Variants in CHSY3 observed in about 807,000 individuals in gnomAD.
CHSY3 encodes N-acetylgalactosaminyl-proteoglycan 3-beta-glucuronosyltransferase 3.
CHSY3 carries 35 observed loss-of-function variants against 67.2 expected under a neutral mutation model. That is an observed-to-expected ratio of 0.52 (90% CI 0.40 to 0.69). The LOEUF (loss-of-function observed/expected upper bound fraction) is 0.69. Ranked by LOEUF, CHSY3 falls within the 30% of genes least tolerant of loss-of-function variation. CHSY3 has a pLI of 0.00. For synonymous variants in CHSY3, 474 were observed against 434.7 expected, an observed-to-expected ratio of 1.09 and a Z score of -1.12; for missense variants, 1,069 against 1,138.5, an observed-to-expected ratio of 0.94 and a Z score of 0.88.
intron 2 of CHSY3, among the ~76,000 whole-genome samples, chr5:130,177,225 G>T (rs1770082682): frequency 6.6e-6 from 1 of 151,142 alleles, no homozygotes; most frequent in South Asian, 2.1e-4. Flanking sequence ...ATATATGTGT[G>T]TGTGTGTGTA....
At chr5:130,184,169 G>T in intron 2 of CHSY3, 60 bp from the exon 3 acceptor site, 2 of 1,366,340 alleles carry the variant, frequency 1.5e-6, no homozygotes, top group Non-Finnish European at 1.9e-6. Context: ...TTTATCGCTG[G>T]TTTTCTTTTT....
intron 2 of CHSY3, among the ~76,000 whole-genome samples, chr5:129,975,470 T>C (rs1762780125): frequency 6.6e-6 from 1 of 152,176 alleles, no homozygotes. Flanking sequence ...TTAATGTTAA[T>C]ACAATATTTT....
Position 130,064,724 on chromosome 5 carries a change from C to A in CHSY3, c.1087-119505C>A, listed in dbSNP as rs1765827222. On this transcript the variant is annotated intron_variant, in intron 2 of 2. Transcript: ENST00000305031. ...AAGAGCAAGGGCTGCTCCCAGAATT[C>A]TTCCAAGTGATTTGCAGGGTCTAGA... Among the ~76,000 whole-genome samples the A allele has an allele frequency of 2.6e-5, 4 of 152,258 alleles. No individual in the cohort carries two copies. In the South Asian group the frequency reaches 8.3e-4, roughly 32 times the overall value.
chr5:129,931,093 C>T lies in CHSY3; in HGVS notation c.1086+22733C>T, dbSNP rs147868796. The stretch of plus-strand genomic sequence containing the variant: ...TTTTTTGTCATTTTGAATAATGCAC[C>T]GAAAATAACTCCTGTTTAGTGTGGC... On this transcript the variant is annotated intron_variant, in intron 2 of 2. Transcript: ENST00000305031. Among the ~76,000 whole-genome samples, 486 of 152,026 alleles carry T rather than the reference C, an allele frequency of 3.2e-3. 1 individual carries two copies. The highest frequency in any genetic ancestry group is 5.5e-3 in the Non-Finnish European group (375 of 67,992).
At chr5:130,071,592 A>G (rs920199705) in intron 2 of CHSY3, among the ~76,000 whole-genome samples, 1 of 149,662 alleles carries the variant, frequency 6.7e-6, no homozygotes, top group Non-Finnish European at 1.5e-5. Flanking sequence ...CACATATCAC[A>G]TTCTCTTTAT....
intron 2 of CHSY3, among the ~76,000 whole-genome samples, chr5:130,010,148 A>G (rs1386896592): frequency 6.6e-6 from 1 of 152,140 alleles, no homozygotes; most frequent in Non-Finnish European, 1.5e-5. Context: ...TAACATCCAC[A>G]GAACATTCCA....
chr5:130,067,984 G>A (rs1450580499), intron 2 of CHSY3, among the ~76,000 whole-genome samples: 1 of 152,106 alleles, frequency 6.6e-6, no homozygotes, highest in Non-Finnish European at 1.5e-5. Context: ...AACTTTCCCA[G>A]TGAATAAATG....
At chr5:129,998,982 A>G (rs1358683686) in intron 2 of CHSY3, among the ~76,000 whole-genome samples, 1 of 152,080 alleles carries the variant, frequency 6.6e-6, no homozygotes, top group Middle Eastern at 3.2e-3. Context: ...GACATACAGA[A>G]AGGATTTCCT....
intron 2 of CHSY3, among the ~76,000 whole-genome samples, chr5:130,067,422 G>A (rs553443655): frequency 6.6e-6 from 1 of 152,212 alleles, no homozygotes; most frequent in East Asian, 1.9e-4. Context: ...TTTTCTAATT[G>A]AATGCCTCTT....
chr5:130,178,227 T>TATATATATATATATATA (rs1561571814), intron 2 of CHSY3, among the ~76,000 whole-genome samples: 2 of 65,838 alleles, frequency 3.0e-5, no homozygotes, highest in African/African-American at 1.3e-4. Context: ...ATATTTATAT[T>TATATATATATATATATA]TATATATATA....
intron 2 of CHSY3, among the ~76,000 whole-genome samples, chr5:130,014,898 A>G (rs1764172641): frequency 6.6e-6 from 1 of 152,220 alleles, no homozygotes; most frequent in Admixed American, 6.5e-5. Context: ...TGCAAAAGAA[A>G]CTATCAACAG....
chr5:130,143,169 G>T (rs1364721609), intron 2 of CHSY3, among the ~76,000 whole-genome samples: 1 of 152,108 alleles, frequency 6.6e-6, no homozygotes. Context: ...TACCCATAAA[G>T]AGCTAGCTAG....
intron 2 of CHSY3, chr5:130,001,567 C>A: frequency 2.3e-6 from 2 of 873,326 alleles, no homozygotes; most frequent in Non-Finnish European, 2.7e-6. Context: ...CCTGTCCTTG[C>A]CTTTATTCCA....
chr5:129,996,862 T>C (rs1763555442), intron 2 of CHSY3, among the ~76,000 whole-genome samples: 1 of 152,160 alleles, frequency 6.6e-6, no homozygotes, highest in South Asian at 2.1e-4. Context: ...TAATTGTGTA[T>C]CTTTCCCATC....
chr5:130,089,843 C>T (rs1020182703), intron 2 of CHSY3, among the ~76,000 whole-genome samples: 1 of 152,074 alleles, frequency 6.6e-6, no homozygotes, highest in East Asian at 1.9e-4. Flanking sequence ...GTCCTGATGA[C>T]AAGGGAAATG....
intron 2 of CHSY3, among the ~76,000 whole-genome samples, chr5:130,092,498 T>C (rs569867096): frequency 6.6e-6 from 1 of 152,296 alleles, no homozygotes; most frequent in Admixed American, 6.5e-5. Context: ...AACTACATAT[T>C]CCACTAACCC....
chr5:129,963,494 A>G (rs1380144913), intron 2 of CHSY3, among the ~76,000 whole-genome samples: 1 of 152,028 alleles, frequency 6.6e-6, no homozygotes, highest in African/African-American at 2.4e-5. Context: ...GGTGTGTACT[A>G]TTAACATATG....
chr5:130,077,582 C>T lies in CHSY3; in HGVS notation c.1087-106647C>T, dbSNP rs879654086. Reference sequence around the variant, plus strand: ...CAGTACATTTATTTCAGCAAGCTAACGAGGAAGAAGAGTTTGAAAGTTATT... The same window carrying T: ...CAGTACATTTATTTCAGCAAGCTAATGAGGAAGAAGAGTTTGAAAGTTATT... On this transcript the variant is annotated intron_variant, in intron 2 of 2. Coordinates refer to ENST00000305031, the MANE Select transcript of CHSY3 (RefSeq NM_175856.5). Among the ~76,000 whole-genome samples, 20 of 151,888 alleles carry T rather than the reference C, an allele frequency of 1.3e-4. 1 individual carries two copies. Among genetic ancestry groups the T allele is most frequent in the Non-Finnish European group, 2.6e-4 (18 of 67,982 alleles).
chr5:130,128,547 A>G (rs1329221404), intron 2 of CHSY3, among the ~76,000 whole-genome samples: 1 of 152,098 alleles, frequency 6.6e-6, no homozygotes, highest in East Asian at 1.9e-4. Flanking sequence ...TGGTCAAACA[A>G]CATAAACTTT....
Sources: allele counts gnomAD v4.1 joint callset (sites outside exome capture counted in the v4.1 genomes callset), GRCh38; gene constraint gnomAD v4.1.1; transcripts MANE v1.5; gene names NCBI Gene and HGNC (gene_info 2026-07-23, HGNC 2026-07-21).